DSG2: variants seen among roughly 807,000 people sequenced by gnomAD.
The protein encoded by DSG2 is desmoglein 2, also known as desmoglein-2.
DSG2 carries 45 observed loss-of-function variants against 75.6 expected under a neutral mutation model. That is an observed-to-expected ratio of 0.60 (90% CI 0.47 to 0.76). The LOEUF is 0.76. Among genes scored for constraint, DSG2 ranks in the 30% least tolerant of loss-of-function variants. The pLI is 0.00. For synonymous variants in DSG2, 429 were observed against 483.9 expected, an observed-to-expected ratio of 0.89 and a Z score of 1.49; for missense variants, 1,267 against 1,357.4, an observed-to-expected ratio of 0.93 and a Z score of 1.05.
chr18:31,510,013 A>G (rs909732353), intron 1 of DSG2, among the ~76,000 whole-genome samples: 2 of 152,202 alleles, frequency 1.3e-5, no homozygotes, highest in Non-Finnish European at 2.9e-5. Flanking sequence ...TTTTGATTTG[A>G]CCTTCTATAC....
intron 13 of DSG2, chr18:31,542,265 A>G (rs2073272744): frequency 1.8e-6 from 1 of 547,742 alleles, no homozygotes; most frequent in Non-Finnish European, 3.3e-6. Flanking sequence ...CATTGGTCGC[A>G]TAGAGTAAAG....
chr18:31,499,005 C>G lies in DSG2; in HGVS notation c.45+709C>G, dbSNP rs186949051. ...AGTGTAGCGCCCCCTCCCCCACGCC[C>G]CACCCCTCACTCCCGGAAACGACGT... On this transcript the variant is annotated intron_variant, in intron 1 of 14. Coordinates refer to ENST00000261590, the MANE Select transcript of DSG2 (RefSeq NM_001943.5). Among the ~76,000 whole-genome samples, 483 of 152,202 alleles carry G rather than the reference C, an allele frequency of 3.2e-3. 4 individuals are homozygous for G. The highest frequency in any genetic ancestry group is 0.011 in the African/African-American group (468 of 41,522).
chr18:31,511,252 T>C (rs1056240575), intron 1 of DSG2, among the ~76,000 whole-genome samples: 6 of 152,300 alleles, frequency 3.9e-5, no homozygotes, highest in Non-Finnish European at 7.4e-5. Flanking sequence ...ATCATGTGCA[T>C]TGTAGGATGT....
intron 6 of DSG2, among the ~76,000 whole-genome samples, chr18:31,524,081 A>G (rs1400937895): frequency 6.6e-6 from 1 of 152,260 alleles, no homozygotes; most frequent in Non-Finnish European, 1.5e-5. Context: ...AAGTTTATTT[A>G]GGACCAGCTT....
chr18:31,524,928 G>T, intron 8 of DSG2, 40 bp downstream of exon 8: 5 of 1,584,804 alleles, frequency 3.2e-6, no homozygotes, highest in Non-Finnish European at 3.5e-6. Flanking sequence ...GGCCAAGTTG[G>T]TGCTGGAAAG....
In DSG2 at chr18:31,521,194, G is replaced by T; in HGVS notation, c.474G>T (p.Val158=). The stretch of plus-strand genomic sequence containing the variant: ...TTGATATCAATGACAACGAACCAGT[G>T]TTCACACAGGATGTCTTTGTTGGGT... ...KVLDINDNEP[V]FTQDVFVGSV... The change falls in exon 5 of 15, where the codon GTG becomes GTT. Residue 158 remains valine (V), a synonymous_variant. Transcript: ENST00000261590. 6.2e-7 allele frequency: 1 copy of T among 1,613,128 alleles called. No individual in the cohort carries two copies. The highest frequency in any genetic ancestry group is 8.5e-7 in the Non-Finnish European group (1 of 1,179,828).
At chr18:31,501,145 TG>T (rs1350668322) in intron 1 of DSG2, among the ~76,000 whole-genome samples, 3 of 152,248 alleles carry the variant, frequency 2.0e-5, no homozygotes, top group African/African-American at 7.2e-5. Context: ...TTAAAAATGC[TG>T]ATAACTATTT....
intron 8 of DSG2, 143 bp downstream of exon 8, chr18:31,525,031 A>C: frequency 2.4e-6 from 2 of 828,436 alleles, no homozygotes; most frequent in Admixed American, 4.4e-5. Context: ...AGCCATCCCT[A>C]TTTGCCCAAG....
intron 2 of DSG2, among the ~76,000 whole-genome samples, chr18:31,518,737 T>A (rs1304411332): frequency 6.7e-6 from 1 of 148,968 alleles, no homozygotes; most frequent in Non-Finnish European, 1.5e-5. Flanking sequence ...AAAAAAAAAA[T>A]CAATGACCTA....
chr18:31,546,679 C>G lies in DSG2; in HGVS notation c.3293C>G (p.Ser1098Cys), dbSNP rs2848673. ...TTAGAGGAATCTGGTCATTCTAATT[C>G]TACCATAACCACATCTTCCACCAGA... Reference protein sequence around the residue: ...FGLEESGHSNSTITTSSTRVT... With the variant: ...FGLEESGHSNCTITTSSTRVT... Residue 1098 changes from serine (S) to cysteine (C), a missense_variant, in exon 15 of 15, where the codon TCT (serine) becomes TGT (cysteine). Transcript: ENST00000261590. 1.4e-5 allele frequency: 22 copies of G among 1,614,078 alleles called. No individual in the cohort carries two copies.
intron 8 of DSG2, among the ~76,000 whole-genome samples, chr18:31,530,083 G>A (rs1032334229): frequency 6.6e-6 from 1 of 152,088 alleles, no homozygotes; most frequent in African/African-American, 2.4e-5. Flanking sequence ...ACTATTTGAA[G>A]AAAGGTTAAT....
At chr18:31,539,126 T>C in intron 12 of DSG2, 148 bp downstream of exon 12, 2 of 784,844 alleles carry the variant, frequency 2.5e-6, no homozygotes, top group Admixed American at 2.0e-5. Context: ...CAACTGATGA[T>C]TGGCAAATCA....
intron 11 of DSG2, 126 bp downstream of exon 11, chr18:31,536,555 G>T: frequency 9.9e-7 from 1 of 1,008,728 alleles, no homozygotes; most frequent in Non-Finnish European, 1.5e-6. Flanking sequence ...TTTATGAAAT[G>T]AGGTCCTGAA....
At chr18:31,537,176 T>C (rs767901681) in intron 11 of DSG2, among the ~76,000 whole-genome samples, 6 of 152,222 alleles carry the variant, frequency 3.9e-5, no homozygotes, top group Non-Finnish European at 8.8e-5. Context: ...ACAGCTTTAT[T>C]GTGTTAAGTC....
chr18:31,545,713 C>T lies in DSG2; in HGVS notation c.2335-8C>T, dbSNP rs561964101. 6.2e-7 allele frequency: 1 copy of T among 1,612,718 alleles called. No homozygotes were observed. The highest frequency in any genetic ancestry group is 1.1e-5 in the South Asian group (1 of 91,062). The stretch of plus-strand genomic sequence containing the variant: ...TTTTGTGTTTGTTTTGTTTTGTTTT[C>T]ATTTTAGAAAGCGGCCTCTTACACT... On this transcript the variant is annotated splice_polypyrimidine_tract_variant and splice_region_variant and intron_variant, in intron 14 of 14. Coordinates refer to ENST00000261590, the MANE Select transcript of DSG2 (RefSeq NM_001943.5).
intron 11 of DSG2, among the ~76,000 whole-genome samples, chr18:31,538,429 C>T (rs978983554): frequency 1.3e-5 from 2 of 152,016 alleles, no homozygotes; most frequent in South Asian, 4.2e-4. Flanking sequence ...AAAGGTCATT[C>T]AGTAGAAATG....
intron 1 of DSG2, among the ~76,000 whole-genome samples, chr18:31,499,385 T>A (rs2073002434): frequency 6.6e-6 from 1 of 151,802 alleles, no homozygotes; most frequent in Non-Finnish European, 1.5e-5. Flanking sequence ...TGTGTGTGTG[T>A]GTCTCAAAAC....
Position 31,523,926 on chromosome 18 carries a change from G to C in DSG2, c.691-522G>C, listed in dbSNP as rs935557382. Among the ~76,000 whole-genome samples, 3 of 152,294 alleles carry C rather than the reference G, an allele frequency of 2.0e-5. 1 individual carries two copies. Among genetic ancestry groups the C allele is most frequent in the African/African-American group, 7.2e-5 (3 of 41,562 alleles). On this transcript the variant is annotated intron_variant, in intron 6 of 14. Transcript: ENST00000261590. Reference sequence around the variant, plus strand: ...GCACTACCTGCCCTCCTAAATTCCAGCCACGCTGAACAGAACCATAGTAAG... The same window carrying C: ...GCACTACCTGCCCTCCTAAATTCCACCCACGCTGAACAGAACCATAGTAAG...
chr18:31,502,022 G>A (rs2073016221), intron 1 of DSG2, among the ~76,000 whole-genome samples: 3 of 152,252 alleles, frequency 2.0e-5, no homozygotes, highest in South Asian at 4.1e-4. Flanking sequence ...TCATATCCAA[G>A]GATTTTAGAA....
Sources: gnomAD v4.1 joint callset for allele counts (sites outside exome capture counted in the v4.1 genomes callset) on GRCh38, gnomAD v4.1.1 for gene constraint, MANE v1.5 for transcripts, NCBI Gene and HGNC (gene_info 2026-07-23, HGNC 2026-07-21) for gene names.